The following COL26A1 variants were observed in gnomAD, a reference collection of about 807,000 sequenced individuals.
The protein encoded by COL26A1 is collagen type XXVI alpha 1 chain.
In COL26A1, 41 loss-of-function variants were observed where a neutral mutation model predicts 59.3. The ratio of observed to expected loss-of-function variants is 0.69; its 90% CI spans 0.54 to 0.90. The LOEUF (loss-of-function observed/expected upper bound fraction) is 0.90, where lower values mean the gene tolerates loss of function less well. Among genes scored for constraint, COL26A1 ranks in the 40% least tolerant of loss-of-function variants. The pLI is 0.00. For synonymous variants in COL26A1, 266 were observed against 256.0 expected, an observed-to-expected ratio of 1.04 and a Z score of -0.37; for missense variants, 612 against 602.3, an observed-to-expected ratio of 1.02 and a Z score of -0.17.
intron 3 of COL26A1, among the ~76,000 whole-genome samples, chr7:101,468,683 T>C (rs911419022): frequency 2.6e-5 from 4 of 152,198 alleles, no homozygotes; most frequent in African/African-American, 9.7e-5. Context: ...GGTTAAACCG[T>C]AAAACTTTAA....
At chr7:101,498,807 C>A (rs779889547) in intron 3 of COL26A1, among the ~76,000 whole-genome samples, 1 of 152,086 alleles carries the variant, frequency 6.6e-6, no homozygotes, top group African/African-American at 2.4e-5. Context: ...TGTTGGGAGA[C>A]GCAGGCTGGA....
chr7:101,363,131 G>T lies in COL26A1; in HGVS notation c.99G>T (p.Gln33His). The T allele has an allele frequency of 6.6e-7, 1 of 1,523,942 alleles. No individual in the cohort carries two copies. The highest frequency in any genetic ancestry group is 8.7e-7 in the Non-Finnish European group (1 of 1,143,278). The allele number at this position is 1,523,942 out of a possible 1,614,324, so 94.4% of individuals were successfully genotyped here. Residue 33 changes from glutamine (Q) to histidine (H), a missense_variant, in exon 1 of 13, where the codon CAG (glutamine) becomes CAT (histidine). Coordinates refer to ENST00000313669, the MANE Select transcript of COL26A1 (RefSeq NM_001278563.3). Reference protein sequence around the residue: ...FLYPFSAAALQQHGYPEPGAG... With the variant: ...FLYPFSAAALHQHGYPEPGAG... ...ATCCCTTCTCGGCCGCAGCTCTGCA[G>T]CAGCACGGCTACCCCGAGCCCGGCG...
intron 3 of COL26A1, among the ~76,000 whole-genome samples, chr7:101,512,336 T>C (rs1794943225): frequency 6.6e-6 from 1 of 151,974 alleles, no homozygotes; most frequent in African/African-American, 2.4e-5. Context: ...AATCAAAACC[T>C]AGCCAGGTGT....
intron 3 of COL26A1, among the ~76,000 whole-genome samples, chr7:101,473,608 CCACACACACACA>C (rs150820078): frequency 0.053 from 7,655 of 143,418 alleles, 358 homozygotes; most frequent in African/African-American, 0.13. Context: ...CACCTTGTCT[CCACACACACACA>C]CACACACACA....
In COL26A1 at chr7:101,473,039, C is replaced by T. The variant is rs115902241; in HGVS notation, c.385+25252C>T. Among the ~76,000 whole-genome samples, 233 of 151,980 alleles carry T rather than the reference C, an allele frequency of 1.5e-3. 2 individuals are homozygous for T. Among genetic ancestry groups the T allele is most frequent in the African/African-American group, 5.5e-3 (229 of 41,494 alleles). On this transcript the variant is annotated intron_variant, in intron 3 of 12. Transcript: ENST00000313669. ...TTTTCTCAATTGCCTATATGTTTAT[C>T]TTCCCAACTGGTTTATGAGCTGACT... is the stretch of plus-strand genomic sequence containing the variant.
In COL26A1 at chr7:101,557,485, C is replaced by T. The variant is rs17471501; in HGVS notation, c.1281C>T (p.Pro427=). 241,041 of 1,613,354 alleles carry T rather than the reference C, an allele frequency of 0.15. 19,789 individuals are homozygous for T. Among genetic ancestry groups the T allele is most frequent in the Middle Eastern group, 0.19 (1,165 of 6,052 alleles). The part of the protein sequence containing the change: ...PDGVLAALLG[P]DPGQKSVDQA... ...GGGTCCTTGCTGCCCTGCTTGGGCC[C>T]GACCCTGGACAGAAGAGCGTGGACC... Residue 427 remains proline (P), a synonymous_variant, in exon 13 of 13, where the codon CCC becomes CCT. Coordinates refer to ENST00000313669, the MANE Select transcript of COL26A1 (RefSeq NM_001278563.3).
At chr7:101,385,227 C>CTATATATATATATATATATATATAT in intron 1 of COL26A1, among the ~76,000 whole-genome samples, 1 of 139,402 alleles carries the variant, frequency 7.2e-6, no homozygotes, top group African/African-American at 2.6e-5. Context: ...CACACACACA[C>CTATATATATATATATATATATATAT]ACACTATATA....
At chr7:101,374,467 A>T (rs1791262978) in intron 1 of COL26A1, among the ~76,000 whole-genome samples, 1 of 152,204 alleles carries the variant, frequency 6.6e-6, no homozygotes, top group Non-Finnish European at 1.5e-5. Context: ...CTGAAGCTTC[A>T]TCTCTACAGC....
At chr7:101,449,397 C>T (rs1404454430) in intron 3 of COL26A1, among the ~76,000 whole-genome samples, 7 of 152,132 alleles carry the variant, frequency 4.6e-5, no homozygotes, top group African/African-American at 7.2e-5. Context: ...TGCCAGGGGC[C>T]GAGGAGGCGA....
rs376273179 is a variant in COL26A1, at chr7:101,440,506, C to A, written c.282-7178C>A. ...GGGAAATGGGCCACAAATGTGGAACCTGTCTTGGGCATTCAGGTGAGACTC... is the reference window on the plus strand; with the variant it reads ...GGGAAATGGGCCACAAATGTGGAACATGTCTTGGGCATTCAGGTGAGACTC... On this transcript the variant is annotated intron_variant, in intron 2 of 12. Transcript: ENST00000313669. 2.3e-4 allele frequency among the ~76,000 whole-genome samples: 35 copies of A among 152,298 alleles called. No homozygotes were observed. In the East Asian group the frequency reaches 4.4e-3, roughly 19 times the overall value.
At chr7:101,467,792 G>A (rs918493840) in intron 3 of COL26A1, among the ~76,000 whole-genome samples, 1 of 151,934 alleles carries the variant, frequency 6.6e-6, no homozygotes, top group Non-Finnish European at 1.5e-5. Flanking sequence ...GCATGAACCC[G>A]GGAAGCAGGG....
chr7:101,548,051 G>T (rs1262791816), intron 8 of COL26A1, among the ~76,000 whole-genome samples: 1 of 152,190 alleles, frequency 6.6e-6, no homozygotes, highest in Non-Finnish European at 1.5e-5. Flanking sequence ...GGGCGTGGCG[G>T]GGAGGCGCCG....
At chr7:101,553,145 A>G (rs1584509700) in intron 10 of COL26A1, 181 bp from the exon 11 acceptor site, 2 of 551,092 alleles carry the variant, frequency 3.6e-6, no homozygotes. Flanking sequence ...TGTGCCCCGG[A>G]GCCGTGGCCT....
chr7:101,378,247 G>C (rs969981904), intron 1 of COL26A1, among the ~76,000 whole-genome samples: 33 of 152,210 alleles, frequency 2.2e-4, no homozygotes, highest in Non-Finnish European at 2.2e-4. Flanking sequence ...GGGTGTGGTG[G>C]TGCATGGCTG....
In COL26A1 at chr7:101,550,688, C is replaced by G. The variant is rs143342297; in HGVS notation, c.994-420C>G. Among the ~76,000 whole-genome samples, 825 of 152,058 alleles carry G rather than the reference C, an allele frequency of 5.4e-3. 8 individuals carry two copies. The highest frequency in any genetic ancestry group is 0.019 in the African/African-American group (779 of 41,460). On this transcript the variant is annotated intron_variant, in intron 9 of 12. Coordinates refer to ENST00000313669, the MANE Select transcript of COL26A1 (RefSeq NM_001278563.3). ...TTGGAGAGAGGGGGAGTGGGCACCT[C>G]ATGGTCAGCTGGGTGGCGATGTCAG... is the stretch of plus-strand genomic sequence containing the variant.
At chr7:101,429,004 A>G (rs1792713009) in intron 2 of COL26A1, among the ~76,000 whole-genome samples, 1 of 149,844 alleles carries the variant, frequency 6.7e-6, no homozygotes, top group South Asian at 2.1e-4. Flanking sequence ...GGCTCACTGC[A>G]ATCTCTGCCT....
At chr7:101,545,604 T>A in intron 7 of COL26A1, 114 bp downstream of exon 7, 1 of 1,140,712 alleles carries the variant, frequency 8.8e-7, no homozygotes, top group South Asian at 1.6e-5. Flanking sequence ...CCCATCCTGC[T>A]GCACCCAACT....
intron 3 of COL26A1, among the ~76,000 whole-genome samples, chr7:101,520,678 A>T (rs2130609603): frequency 7.2e-6 from 1 of 138,192 alleles, no homozygotes; most frequent in African/African-American, 3.0e-5. Context: ...GTGTTCTTGC[A>T]TGTTTTTGCT....
intron 3 of COL26A1, among the ~76,000 whole-genome samples, chr7:101,480,520 A>C (rs955618633): frequency 1.3e-5 from 2 of 151,816 alleles, no homozygotes; most frequent in African/African-American, 4.8e-5. Context: ...GTTTGTTTTG[A>C]GACAGGGTGT....
Sources: gnomAD v4.1 joint callset for allele counts (sites outside exome capture counted in the v4.1 genomes callset) on GRCh38, gnomAD v4.1.1 for gene constraint, MANE v1.5 for transcripts, NCBI Gene and HGNC (gene_info 2026-07-23, HGNC 2026-07-21) for gene names.